Variants in KNTC1 observed in about 807,000 individuals in gnomAD.
The protein encoded by KNTC1 is kinetochore-associated protein 1.
Under a neutral mutation model 314.4 loss-of-function variants are expected in KNTC1, and 253 were observed. The observed-to-expected ratio is 0.80, with a 90% CI of 0.73 to 0.89. KNTC1 has a LOEUF of 0.89. KNTC1 is among the 40% of genes least tolerant of loss of function. KNTC1 has a pLI of 0.00. For missense variants in KNTC1, 2,475 were observed against 2,572.9 expected (o/e 0.96, Z 0.82); for synonymous variants, 901 against 901.4 (o/e 1.00, Z 0.01).
chr12:122,596,140 T>C (rs949983906), intron 43 of KNTC1, among the ~76,000 whole-genome samples: 1 of 145,994 alleles, frequency 6.8e-6, no homozygotes, highest in Admixed American at 7.2e-5. Context: ...TGAAGTGCAG[T>C]GGTGCAATCT....
chr12:122,613,368 A>G, intron 54 of KNTC1, 138 bp downstream of exon 54: 1 of 685,250 alleles, frequency 1.5e-6, no homozygotes, highest in South Asian at 2.0e-5. Flanking sequence ...AATATCCTTG[A>G]CATTTTGGCA....
rs1396449942 is a variant in KNTC1, at chr12:122,591,449, T to C, written c.4241T>C (p.Leu1414Pro). 2 of 1,487,484 alleles carry C rather than the reference T, an allele frequency of 1.3e-6. No homozygotes were observed. The highest frequency in any genetic ancestry group is 3.5e-5 in the Admixed American group (2 of 57,902). 92.1% of individuals were successfully genotyped at this position (1,487,484 alleles called of 1,614,324 possible). ...CAGTGGGGCATTCGTCTTGGTAAAC[T>C]TGGTGTGAGTATTCTTTGTACTGCT... ...DAQWGIRLGKLGISFQPVFRQ... is the reference protein window; with the variant it reads ...DAQWGIRLGKPGISFQPVFRQ... Residue 1414 changes from leucine (L) to proline (P), a missense_variant, in exon 42 of 64, where the codon CTT becomes CCT. Physicochemically the swap from Leu to Pro is moderately conservative, Grantham distance 98. Coordinates refer to ENST00000333479, the MANE Select transcript of KNTC1 (RefSeq NM_014708.6).
intron 38 of KNTC1, among the ~76,000 whole-genome samples, 161 bp downstream of exon 38, chr12:122,586,918 A>G (rs1031406798): frequency 2.0e-5 from 3 of 152,080 alleles, no homozygotes; most frequent in Non-Finnish European, 4.4e-5. Context: ...GGGCTCAAGC[A>G]GTTCTCCTGC....
rs757257078 is a variant in KNTC1, at chr12:122,530,037, C to T, written c.-27C>T. 2.5e-6 allele frequency: 4 copies of T among 1,610,042 alleles called. No individual in the cohort carries two copies. Among genetic ancestry groups the T allele is most frequent in the Non-Finnish European group, 3.4e-6 (4 of 1,177,914 alleles). On this transcript the variant is annotated 5_prime_UTR_variant, in exon 2 of 64. Coordinates refer to ENST00000333479, the MANE Select transcript of KNTC1 (RefSeq NM_014708.6). ...TGTTGTTCAGGAAAGACAGTGGTTCCTGACTCAGGAAGACAGTCTCAGAAA... is the reference window on the plus strand; with the variant it reads ...TGTTGTTCAGGAAAGACAGTGGTTCTTGACTCAGGAAGACAGTCTCAGAAA...
Position 122,539,062 on chromosome 12 carries a change from T to C in KNTC1, c.366+608T>C, listed in dbSNP as rs189435835. 6.2e-4 allele frequency among the ~76,000 whole-genome samples: 95 copies of C among 152,280 alleles called. 3 individuals carry two copies. In the South Asian group the frequency reaches 0.017, roughly 27 times the overall value. On this transcript the variant is annotated intron_variant, in intron 4 of 63. Transcript: ENST00000333479. ...TTAGTAACCTTGGAAGATGGTCAGG[T>C]TTTTATTAGGAATGCTAGAGTCCCA...
chr12:122,561,784 C>A, intron 18 of KNTC1, 137 bp from the exon 19 acceptor site: 1 of 636,586 alleles, frequency 1.6e-6, no homozygotes, highest in Non-Finnish European at 2.6e-6. Flanking sequence ...CATGTCAGTT[C>A]TTTATAGTTT....
chr12:122,586,869 A>G (rs1302558733), intron 38 of KNTC1, 112 bp downstream of exon 38: 6 of 256,504 alleles, frequency 2.3e-5, no homozygotes, highest in Non-Finnish European at 3.9e-5. Context: ...CTGGAGTGAA[A>G]TGGCATGATT....
chr12:122,565,667 G>A (rs1225754196), intron 20 of KNTC1, among the ~76,000 whole-genome samples: 1 of 151,852 alleles, frequency 6.6e-6, no homozygotes, highest in African/African-American at 2.4e-5. Context: ...TAGGCGGATC[G>A]CTTCCCAGGA....
intron 51 of KNTC1, chr12:122,609,166 A>G (rs967728264): frequency 1.3e-5 from 7 of 526,878 alleles, no homozygotes. Context: ...AATTGTGTCT[A>G]TCATATAGTA....
chr12:122,618,841 G>A (rs183214024), intron 59 of KNTC1, among the ~76,000 whole-genome samples: 4 of 151,478 alleles, frequency 2.6e-5, no homozygotes, highest in African/African-American at 7.3e-5. Flanking sequence ...GCTAATTTTT[G>A]TATTTTTAGT....
At chr12:122,620,728 T>C (rs902634413) in intron 60 of KNTC1, 120 bp downstream of exon 60, 4 of 1,013,936 alleles carry the variant, frequency 3.9e-6, no homozygotes, top group Non-Finnish European at 5.6e-6. Flanking sequence ...ACATCAGATA[T>C]GTGTGAAGCT....
chr12:122,569,739 C>T lies in KNTC1; in HGVS notation c.1775C>T (p.Ser592Phe), dbSNP rs1274386656. Residue 592 changes from serine (S) to phenylalanine (F), a missense_variant, in exon 22 of 64, where the codon TCT becomes TTT. By Grantham distance (155) the Ser-to-Phe change is radical. Transcript: ENST00000333479. ...KMLESLLNSM[S>F]ASVSLQKLCP... ...CTGGAGAGCTTGCTCAACTCAATGT[C>T]TGCATCAGTCTCTTTGCAAAAGCTG... 1 of 1,613,554 alleles carries T rather than the reference C, an allele frequency of 6.2e-7. No homozygotes were observed. Among genetic ancestry groups the T allele is most frequent in the Middle Eastern group, 1.7e-4 (1 of 6,060 alleles).
Position 122,591,425 on chromosome 12 carries a change from A to G in KNTC1, c.4217A>G (p.Gln1406Arg), listed in dbSNP as rs376513898. The G allele has an allele frequency of 2.1e-5, 33 of 1,594,072 alleles. No homozygotes were observed. In the African/African-American group the frequency reaches 2.7e-4, roughly 13 times the overall value. The change falls in exon 42 of 64, where the codon CAG becomes CGG. Residue 1406 changes from glutamine to arginine, a missense_variant. Gln to Arg is a conservative substitution (Grantham distance 43). Coordinates refer to ENST00000333479, the MANE Select transcript of KNTC1 (RefSeq NM_014708.6). ...TTCCGTGAACTCAGTACTGATGCCC[A>G]GTGGGGCATTCGTCTTGGTAAACTT... ...LKFRELSTDA[Q>R]WGIRLGKLGI...
At chr12:122,599,021 T>G (rs1190835565) in intron 44 of KNTC1, among the ~76,000 whole-genome samples, 3 of 152,142 alleles carry the variant, frequency 2.0e-5, no homozygotes, top group Non-Finnish European at 4.4e-5. Flanking sequence ...AAAAATTTTT[T>G]TGTGCAGATG....
At chr12:122,536,069 A>ATTT (rs753893106) in intron 3 of KNTC1, among the ~76,000 whole-genome samples, 1 of 118,576 alleles carries the variant, frequency 8.4e-6, no homozygotes, top group Non-Finnish European at 1.8e-5. Flanking sequence ...AATTTTTTGT[A>ATTT]TTTTTTTTTT....
intron 53 of KNTC1, among the ~76,000 whole-genome samples, chr12:122,612,252 G>A (rs1407759139): frequency 6.6e-6 from 1 of 151,442 alleles, no homozygotes; most frequent in Non-Finnish European, 1.5e-5. Flanking sequence ...TTTTAGTAGA[G>A]ACGGGGTTTC....
intron 24 of KNTC1, 33 bp from the exon 25 acceptor site, chr12:122,572,904 A>G (rs1964788089): frequency 7.1e-7 from 1 of 1,411,082 alleles, no homozygotes; most frequent in Non-Finnish European, 9.7e-7. Context: ...CTTTTATTTT[A>G]TATCGTTAAC....
chr12:122,584,511 C>T, intron 35 of KNTC1, 61 bp downstream of exon 35: 7 of 1,270,428 alleles, frequency 5.5e-6, no homozygotes, highest in Non-Finnish European at 7.7e-6. Context: ...ACTTGTCTCC[C>T]AAATGCTGTC....
chr12:122,585,698 A>C lies in KNTC1; in HGVS notation c.3597A>C (p.Glu1199Asp). The change falls in exon 37 of 64, where the codon GAA (glutamate) becomes GAC (aspartate). Residue 1199 changes from glutamate to aspartate, a missense_variant. Glu to Asp is a conservative substitution (Grantham distance 45). Transcript: ENST00000333479. Reference sequence around the variant, plus strand: ...GGTCTTACAGTGACTTCTTCAGTGAAGATGGAATTGTTCTTGAGTCACAGA... The same window carrying C: ...GGTCTTACAGTGACTTCTTCAGTGACGATGGAATTGTTCTTGAGTCACAGA... ...EEWSYSDFFS[E>D]DGIVLESQMV... 1 of 1,613,728 alleles carries C rather than the reference A, an allele frequency of 6.2e-7. No individual in the cohort carries two copies. Among genetic ancestry groups the C allele is most frequent in the Non-Finnish European group, 8.5e-7 (1 of 1,179,612 alleles).
Sources: gnomAD v4.1 joint callset for allele counts (sites outside exome capture counted in the v4.1 genomes callset) on GRCh38, gnomAD v4.1.1 for gene constraint, MANE v1.5 for transcripts, NCBI Gene and HGNC (gene_info 2026-07-23, HGNC 2026-07-21) for gene names.